PDS5B: variants seen among roughly 807,000 people sequenced by gnomAD.
PDS5B encodes PDS5 cohesin associated factor B.
A neutral mutation model predicts 184.1 loss-of-function variants in PDS5B; 51 were observed. That is an observed-to-expected ratio of 0.28 (90% CI 0.22 to 0.35). The LOEUF is 0.35. Ranked by LOEUF, PDS5B falls within the 10% of genes least tolerant of loss-of-function variation. PDS5B has a pLI of 1.00. For synonymous variants in PDS5B, 566 were observed against 569.2 expected, an observed-to-expected ratio of 0.99 and a Z score of 0.08; for missense variants, 1,180 against 1,723.3, an observed-to-expected ratio of 0.68 and a Z score of 5.58.
intron 1 of PDS5B, among the ~76,000 whole-genome samples, chr13:32,597,064 G>A (rs989656374): frequency 2.0e-5 from 3 of 151,758 alleles, no homozygotes; most frequent in Admixed American, 6.6e-5. Flanking sequence ...TTGAGACAGC[G>A]TCTCACTCTC....
intron 6 of PDS5B, among the ~76,000 whole-genome samples, chr13:32,667,268 G>A (rs1950823249): frequency 6.6e-6 from 1 of 151,980 alleles, no homozygotes; most frequent in African/African-American, 2.4e-5. Flanking sequence ...ATTTCCTGTT[G>A]TATCCTTTGA....
chr13:32,588,698 A>G (rs2057728677), intron 1 of PDS5B, among the ~76,000 whole-genome samples: 2 of 152,134 alleles, frequency 1.3e-5, no homozygotes, highest in Non-Finnish European at 2.9e-5. Context: ...AGATGTGGTG[A>G]TGATAGTGAT....
intron 10 of PDS5B, among the ~76,000 whole-genome samples, chr13:32,682,710 A>G (rs1391787481): frequency 2.0e-5 from 3 of 152,212 alleles, no homozygotes; most frequent in South Asian, 2.1e-4. Context: ...CATATTAGTT[A>G]TACTGTTTTA....
At chr13:32,717,230 C>T (rs879630617) in intron 19 of PDS5B, among the ~76,000 whole-genome samples, 3 of 152,022 alleles carry the variant, frequency 2.0e-5, no homozygotes, top group Non-Finnish European at 2.9e-5. Context: ...ATGACAATGG[C>T]GGTTTTGTGG....
At chr13:32,653,218 T>C (rs1950415565) in intron 3 of PDS5B, among the ~76,000 whole-genome samples, 1 of 151,822 alleles carries the variant, frequency 6.6e-6, no homozygotes, top group Admixed American at 6.6e-5. Context: ...CACTTGAACC[T>C]GGGAGGTGGG....
chr13:32,590,185 G>T (rs1020959521), intron 1 of PDS5B, among the ~76,000 whole-genome samples: 22 of 152,168 alleles, frequency 1.4e-4, no homozygotes, highest in African/African-American at 4.3e-4. Context: ...AAAGCTAACA[G>T]GCTTGGGGGA....
chr13:32,607,496 A>G (rs1046629757), intron 1 of PDS5B, among the ~76,000 whole-genome samples: 1 of 152,134 alleles, frequency 6.6e-6, no homozygotes, highest in Non-Finnish European at 1.5e-5. Flanking sequence ...CAGTTAGGCT[A>G]CTCGGGGGTC....
At position 32,755,879 on chromosome 13, in the gene PDS5B, A is replaced by G; in HGVS notation, c.2979A>G (p.Pro993=). Reference sequence around the variant, plus strand: ...CTCTTCTACCAGAGTATGTTGTTCCATATACAATTCACCTTTTGGCACATG... The same window carrying G: ...CTCTTCTACCAGAGTATGTTGTTCCGTATACAATTCACCTTTTGGCACATG... ...LLSLLPEYVV[P]YTIHLLAHDP... Residue 993 remains proline, a synonymous_variant, in exon 26 of 35, where the codon CCA becomes CCG. Transcript: ENST00000315596. 6.4e-7 allele frequency: 1 copy of G among 1,561,132 alleles called. No homozygotes were observed. Among genetic ancestry groups the G allele is most frequent in the Non-Finnish European group, 8.8e-7 (1 of 1,138,608 alleles).
intron 15 of PDS5B, among the ~76,000 whole-genome samples, chr13:32,698,169 G>C (rs1951761454): frequency 6.6e-6 from 1 of 151,582 alleles, no homozygotes; most frequent in Non-Finnish European, 1.5e-5. Flanking sequence ...GGGTTTCATT[G>C]TCATATATGT....
intron 1 of PDS5B, among the ~76,000 whole-genome samples, chr13:32,597,624 G>C (rs1384752475): frequency 6.6e-6 from 1 of 151,832 alleles, no homozygotes; most frequent in Non-Finnish European, 1.5e-5. Context: ...GGGGTGCGGG[G>C]GTTGCAAGGT....
At chr13:32,642,293 G>A (rs1287777744) in intron 1 of PDS5B, among the ~76,000 whole-genome samples, 1 of 152,110 alleles carries the variant, frequency 6.6e-6, no homozygotes, top group Admixed American at 6.5e-5. Context: ...GTAGCTATTT[G>A]CGATAGATGC....
At chr13:32,610,996 T>G (rs2058133008) in intron 1 of PDS5B, among the ~76,000 whole-genome samples, 3 of 152,098 alleles carry the variant, frequency 2.0e-5, no homozygotes, top group Admixed American at 2.0e-4. Flanking sequence ...GAGCCATCTT[T>G]TTTTTTTTCA....
intron 1 of PDS5B, among the ~76,000 whole-genome samples, chr13:32,602,258 C>A (rs2057988139): frequency 6.6e-6 from 1 of 152,100 alleles, no homozygotes; most frequent in East Asian, 1.9e-4. Flanking sequence ...TCCCCTCACC[C>A]CACTACAGGC....
chr13:32,639,173 G>A (rs889034922), intron 1 of PDS5B, among the ~76,000 whole-genome samples: 7 of 151,728 alleles, frequency 4.6e-5, no homozygotes, highest in Non-Finnish European at 8.8e-5. Flanking sequence ...CACTTTCTGT[G>A]CGGTTAGAAA....
chr13:32,622,465 T>TTTTTTTTTTTG (rs2058315404), intron 1 of PDS5B, among the ~76,000 whole-genome samples: 1 of 152,196 alleles, frequency 6.6e-6, no homozygotes, highest in African/African-American at 2.4e-5. Context: ...CAGATTGTCA[T>TTTTTTTTTTTG]TAGTTTTTGT....
At chr13:32,591,600 C>T (rs1349478838) in intron 1 of PDS5B, among the ~76,000 whole-genome samples, 2 of 152,100 alleles carry the variant, frequency 1.3e-5, no homozygotes, top group South Asian at 2.1e-4. Context: ...TGACCAGCAG[C>T]GTATGAGAAT....
At chr13:32,696,288 A>G (rs1951700884) in intron 14 of PDS5B, among the ~76,000 whole-genome samples, 1 of 152,024 alleles carries the variant, frequency 6.6e-6, no homozygotes, top group African/African-American at 2.4e-5. Flanking sequence ...AATAATTAGC[A>G]CTCTAAGAAA....
At chr13:32,696,811 T>C (rs374152368) in intron 14 of PDS5B, 43 bp from the exon 15 acceptor site, 12 of 1,425,558 alleles carry the variant, frequency 8.4e-6, no homozygotes, top group Non-Finnish European at 1.1e-5. Flanking sequence ...GAAGTTTTCT[T>C]GTTAGGGAAT....
intron 21 of PDS5B, among the ~76,000 whole-genome samples, chr13:32,737,671 A>G (rs1953388400): frequency 2.0e-5 from 3 of 152,200 alleles, no homozygotes; most frequent in African/African-American, 7.2e-5. Flanking sequence ...ACCTAGTCAC[A>G]TCTTGTCAGA....
Sources: gnomAD v4.1 joint callset for allele counts (sites outside exome capture counted in the v4.1 genomes callset) on GRCh38, gnomAD v4.1.1 for gene constraint, MANE v1.5 for transcripts, NCBI Gene and HGNC (gene_info 2026-07-23, HGNC 2026-07-21) for gene names.